SDSL: variants seen among roughly 807,000 people sequenced by gnomAD.
SDSL encodes serine dehydratase like.
A neutral mutation model predicts 27.6 loss-of-function variants in SDSL; 26 were observed. That is an observed-to-expected ratio of 0.94 (90% CI 0.69 to 1.31). The LOEUF is 1.31. SDSL is among the 50% of genes most tolerant of loss of function. The pLI is 0.00. For synonymous variants in SDSL, 196 were observed against 180.6 expected (o/e 1.09, Z -0.69); for missense variants, 431 against 423.5 (o/e 1.02, Z -0.16).
rs774602538 is a variant in SDSL, at chr12:113,435,399, G to A, written c.514G>A (p.Ala172Thr). 2 of 1,611,038 alleles carry A rather than the reference G, an allele frequency of 1.2e-6. No individual in the cohort carries two copies. The highest frequency in any genetic ancestry group is 1.7e-6 in the Non-Finnish European group (2 of 1,178,760). Residue 172 changes from alanine to threonine, a missense_variant, in exon 6 of 8, where the codon GCA becomes ACA. Physicochemically the swap from Ala to Thr is moderately conservative, Grantham distance 58. Transcript: ENST00000403593. ...LRTPPGALVL[A>T]VGGGGLLAGV... ...GACCCCACCAGGTGCCCTGGTGCTGGCAGTTGGGGGTGGGGGTCTCCTGGC... is the reference window on the plus strand; with the variant it reads ...GACCCCACCAGGTGCCCTGGTGCTGACAGTTGGGGGTGGGGGTCTCCTGGC...
At chr12:113,425,629 C>T (rs748684269) in intron 1 of SDSL, 7 of 452,040 alleles carry the variant, frequency 1.5e-5, no homozygotes, top group Non-Finnish European at 1.3e-5. Context: ...TTTTTCCTCC[C>T]TCTCATTTCC....
chr12:113,423,416 T>A (rs1957813885), intron 1 of SDSL, among the ~76,000 whole-genome samples: 1 of 152,152 alleles, frequency 6.6e-6, no homozygotes, highest in African/African-American at 2.4e-5. Context: ...TCAGGTTCAC[T>A]GTTTATAAAA....
At chr12:113,436,193 C>T (rs1339428547) in intron 6 of SDSL, among the ~76,000 whole-genome samples, 1 of 152,066 alleles carries the variant, frequency 6.6e-6, no homozygotes, top group Non-Finnish European at 1.5e-5. Flanking sequence ...ATTTAGGACC[C>T]ACCCTAATCC....
intron 1 of SDSL, chr12:113,425,786 A>C: frequency 2.2e-6 from 1 of 447,878 alleles, no homozygotes; most frequent in South Asian, 1.6e-5. Flanking sequence ...TGAGCTCAGG[A>C]GTTTGAGACC....
At chr12:113,430,744 G>A (rs1451477927) in intron 4 of SDSL, among the ~76,000 whole-genome samples, 2 of 152,172 alleles carry the variant, frequency 1.3e-5, no homozygotes, top group Non-Finnish European at 2.9e-5. Flanking sequence ...GAACAGCAAA[G>A]CCACATGGCA....
rs151225631 is a variant in SDSL at position 113,427,131 on chromosome 12, C to T, written c.-21-831C>T. ...TTTGTTTGTTTGTTTGTTTTTGAGACGGAGTCTCGATCTGTCACCCAGGCT... is the reference window on the plus strand; with the variant it reads ...TTTGTTTGTTTGTTTGTTTTTGAGATGGAGTCTCGATCTGTCACCCAGGCT... On this transcript the variant is annotated intron_variant, in intron 1 of 7. Transcript: ENST00000403593. The T allele has an allele frequency of 5.8e-3, 888 of 152,530 alleles. 7 individuals carry two copies. The highest frequency in any genetic ancestry group is 0.028 in the South Asian group (136 of 4,832). The allele number at this position is 152,530 out of a possible 1,614,324, so 9.4% of individuals were successfully genotyped here. A position where few individuals can be genotyped will look rare whatever the true frequency, so the allele number is the denominator to read the frequency against.
In SDSL at chr12:113,437,891, G is replaced by A. The variant is rs1298282947; in HGVS notation, c.802G>A (p.Glu268Lys). The change falls in exon 8 of 8, where the codon GAG (glutamate) becomes AAG (lysine). Residue 268 changes from glutamate (E) to lysine (K), a missense_variant. Transcript: ENST00000403593. ...VSAVQQLLDD[E>K]RMLVEPACGA... ...CCATCCCCCGATCCTGGCAGATGATGAGCGTATGCTGGTGGAGCCTGCCTG... is the reference window on the plus strand; with the variant it reads ...CCATCCCCCGATCCTGGCAGATGATAAGCGTATGCTGGTGGAGCCTGCCTG... 1.3e-6 allele frequency: 2 copies of A among 1,596,512 alleles called. No individual in the cohort carries two copies. The highest frequency in any genetic ancestry group is 1.1e-5 in the South Asian group (1 of 88,750).
At chr12:113,426,010 A>ACCACCACCACCT (rs993116020) in intron 1 of SDSL, 4 of 380,742 alleles carry the variant, frequency 1.1e-5, no homozygotes, top group Admixed American at 6.0e-5. Context: ...CACCACCAAC[A>ACCACCACCACCT]CCACCACCAC....
intron 4 of SDSL, among the ~76,000 whole-genome samples, chr12:113,431,998 A>G (rs1957928268): frequency 7.2e-6 from 1 of 139,500 alleles, no homozygotes; most frequent in Non-Finnish European, 1.5e-5. Flanking sequence ...CTCGTGATCC[A>G]CCTGACTTGG....
chr12:113,431,747 T>A (rs1957924396), intron 4 of SDSL, among the ~76,000 whole-genome samples: 1 of 150,336 alleles, frequency 6.7e-6, no homozygotes, highest in South Asian at 2.1e-4. Flanking sequence ...CTAATTTTTT[T>A]TTTTTTTTTT....
At chr12:113,437,370 T>A (rs559357063) in intron 7 of SDSL, among the ~76,000 whole-genome samples, 1 of 152,124 alleles carries the variant, frequency 6.6e-6, no homozygotes. Flanking sequence ...ACTCAATAGA[T>A]GTTTGTTGAT....
rs761433763 is a variant in SDSL, at chr12:113,429,235, G to A, written c.290G>A (p.Ser97Asn). The change falls in exon 4 of 8, where the codon AGC becomes AAC. Residue 97 changes from serine (S) to asparagine (N), a missense_variant. Physicochemically the swap from Ser to Asn is conservative, Grantham distance 46 (BLOSUM62 1). Transcript: ENST00000403593. ...CCTGCCACCATCGTGCTCCCCGAGA[G>A]CACCTCCCTGCAGGTGGTGCAGAGG... The part of the protein sequence containing the change: ...GIPATIVLPE[S>N]TSLQVVQRLQ... 9 of 1,613,724 alleles carry A rather than the reference G, an allele frequency of 5.6e-6. No individual in the cohort carries two copies. The South Asian group carries it at 9.9e-5, about 18-fold the overall frequency.
chr12:113,435,393 G>A lies in SDSL; in HGVS notation c.508G>A (p.Val170Met). The A allele has an allele frequency of 6.2e-7, 1 of 1,609,704 alleles. No individual in the cohort carries two copies. Among genetic ancestry groups the A allele is most frequent in the Non-Finnish European group, 8.5e-7 (1 of 1,178,128 alleles). Residue 170 changes from valine to methionine, a missense_variant, in exon 6 of 8, where the codon GTG (valine) becomes ATG (methionine). Coordinates refer to ENST00000403593, the MANE Select transcript of SDSL (RefSeq NM_001304993.2). ...GCTGAGGACCCCACCAGGTGCCCTG[G>A]TGCTGGCAGTTGGGGGTGGGGGTCT... Reference protein sequence around the residue: ...AVLRTPPGALVLAVGGGGLLA... With the variant: ...AVLRTPPGALMLAVGGGGLLA...
At chr12:113,426,094 G>A (rs923406288) in intron 1 of SDSL, 6 of 443,536 alleles carry the variant, frequency 1.4e-5, no homozygotes, top group African/African-American at 1.0e-4. Flanking sequence ...CTCCGTGGGC[G>A]GGAACCCCCT....
chr12:113,430,260 A>G (rs1957905173), intron 4 of SDSL, among the ~76,000 whole-genome samples: 1 of 152,168 alleles, frequency 6.6e-6, no homozygotes, highest in African/African-American at 2.4e-5. Flanking sequence ...TGAGATTATT[A>G]TGAGGAGACA....
Position 113,427,888 on chromosome 12 carries a change from C to T in SDSL, c.-21-74C>T, listed in dbSNP as rs1400579226. 1.2e-5 allele frequency: 16 copies of T among 1,387,510 alleles called. No individual in the cohort carries two copies. In the Admixed American group the frequency reaches 3.2e-4, roughly 28 times the overall value. The allele number at this position is 1,387,510 out of a possible 1,614,324, so 85.9% of individuals were successfully genotyped here. ...CACCTAAGCCAAGGGCTTTCTCCAC[C>T]TTCCCCTCCCTGTCCTGGTTAAGGG... On this transcript the variant is annotated intron_variant, in intron 1 of 7. Coordinates refer to ENST00000403593, the MANE Select transcript of SDSL (RefSeq NM_001304993.2).
At chr12:113,426,539 G>C (rs1565876983) in intron 1 of SDSL, among the ~76,000 whole-genome samples, 1 of 152,156 alleles carries the variant, frequency 6.6e-6, no homozygotes, top group Non-Finnish European at 1.5e-5. Context: ...TAGCCTCAGT[G>C]AGGTATAATT....
At chr12:113,425,588 G>T (rs943553373) in intron 1 of SDSL, 1 of 450,502 alleles carries the variant, frequency 2.2e-6, no homozygotes, top group Non-Finnish European at 4.5e-6. Context: ...AGAGGAGCTG[G>T]CTGTATTTTT....
At position 113,435,320 on chromosome 12, in the gene SDSL, C is replaced by G. The variant is rs369587117; in HGVS notation, c.444-9C>G. On this transcript the variant is annotated splice_polypyrimidine_tract_variant and intron_variant, in intron 5 of 7. Coordinates refer to ENST00000403593, the MANE Select transcript of SDSL (RefSeq NM_001304993.2). ...CACTCTGCTTCTCCCTCTCACCCCC[C>G]CTCCCCAGGAAAGGCCACGCCAGCC... The G allele has an allele frequency of 7.1e-5, 106 of 1,492,320 alleles. No homozygotes were observed. The African/African-American group carries it at 8.2e-4, about 12-fold the overall frequency. The allele number at this position is 1,492,320 out of a possible 1,614,324, so 92.4% of individuals were successfully genotyped here.
Sources: gnomAD v4.1 joint callset for allele counts (sites outside exome capture counted in the v4.1 genomes callset) on GRCh38, gnomAD v4.1.1 for gene constraint, MANE v1.5 for transcripts, NCBI Gene and HGNC (gene_info 2026-07-23, HGNC 2026-07-21) for gene names.